The following ZNF782 variants were observed in gnomAD, a reference collection of about 807,000 sequenced individuals.
The protein encoded by ZNF782 is zinc finger protein 782.
ZNF782 carries 12 observed loss-of-function variants against 13.0 expected under a neutral mutation model. The ratio of observed to expected loss-of-function variants is 0.92; its 90% CI spans 0.59 to 1.50. The LOEUF is 1.50. Among genes scored for constraint, ZNF782 ranks in the 40% most tolerant of loss-of-function variants. The probability of loss-of-function intolerance (pLI) is 0.00; values close to 1 mark genes in which losing one functional copy is unlikely to be tolerated. For missense variants in ZNF782, 770 were observed against 822.9 expected (o/e 0.94, Z 0.79); for synonymous variants, 284 against 283.0 (o/e 1.00, Z -0.04).
At chr9:96,912,401 C>A in the ZNF782 span, among the ~76,000 whole-genome samples, 1 of 148,852 alleles carries the variant, frequency 6.7e-6, no homozygotes, top group Non-Finnish European at 1.5e-5. Flanking sequence ...TGGCGGGCGC[C>A]TGTAATCCCA....
chr9:96,910,608 C>G, the ZNF782 span, among the ~76,000 whole-genome samples: 79 of 146,768 alleles, frequency 5.4e-4, no homozygotes, highest in South Asian at 1.3e-3. Flanking sequence ...GAGGAAAAAA[C>G]AACCAAAACT....
chr9:96,925,254 A>T, the ZNF782 span, among the ~76,000 whole-genome samples: 1 of 151,534 alleles, frequency 6.6e-6, no homozygotes, highest in Non-Finnish European at 1.5e-5. Context: ...CCCGCAGGAG[A>T]TGGGGAAATG....
At position 96,873,869 on chromosome 9, in the gene ZNF782, T is replaced by C. The variant is rs143349632; in HGVS notation, c.-457+1599A>G. On this transcript the variant is annotated intron_variant, in intron 1 of 5. Transcript: ENST00000498811. ...GTGGGCAGGTTCTCTGACAAATGTT[T>C]GGGGTATGGAAACTAAGTTTCTAGT... is the stretch of plus-strand genomic sequence containing the variant. Among the ~76,000 whole-genome samples, 15 of 152,310 alleles carry C rather than the reference T, an allele frequency of 9.8e-5. No homozygotes were observed. In the East Asian group the frequency reaches 2.9e-3, roughly 29 times the overall value.
intron 4 of ZNF782, among the ~76,000 whole-genome samples, chr9:96,842,213 T>C (rs1386136024): frequency 6.6e-6 from 1 of 151,990 alleles, no homozygotes; most frequent in East Asian, 1.9e-4. Flanking sequence ...TGGAGAAATA[T>C]ATTGTGTTTA....
At chr9:96,917,276 C>T in the ZNF782 span, among the ~76,000 whole-genome samples, 2 of 141,254 alleles carry the variant, frequency 1.4e-5, no homozygotes, top group African/African-American at 5.3e-5. Flanking sequence ...CTCATTCATT[C>T]GCATCTAGAA....
chr9:96,834,454 T>C (rs911703314), intron 4 of ZNF782, among the ~76,000 whole-genome samples: 1 of 152,236 alleles, frequency 6.6e-6, no homozygotes, highest in Non-Finnish European at 1.5e-5. Context: ...AGCATAAGAA[T>C]GGACTAATAC....
chr9:96,878,784 T>C (rs1851926515), upstream of ZNF782, among the ~76,000 whole-genome samples: 2 of 152,238 alleles, frequency 1.3e-5, no homozygotes, highest in Admixed American at 6.5e-5. Flanking sequence ...TGAGATTATT[T>C]CTTTGCACAA....
intron 5 of ZNF782, among the ~76,000 whole-genome samples, chr9:96,821,608 C>T (rs960777178): frequency 2.6e-5 from 4 of 151,844 alleles, no homozygotes; most frequent in African/African-American, 7.3e-5. Context: ...TTAAAACTTA[C>T]GGCACGTGCA....
chr9:96,875,252 T>G (rs965106802), intron 1 of ZNF782, among the ~76,000 whole-genome samples: 2 of 152,184 alleles, frequency 1.3e-5, no homozygotes, highest in Non-Finnish European at 2.9e-5. Flanking sequence ...ACTTGTGAGG[T>G]TTAGGTGAGT....
At chr9:96,854,665 G>A (rs1354808232), upstream of ZNF782, among the ~76,000 whole-genome samples, 2 of 152,216 alleles carry the variant, frequency 1.3e-5, no homozygotes, top group Non-Finnish European at 2.9e-5. Context: ...GGCGGGGATG[G>A]AGTTTTTATG....
At chr9:96,864,130 T>A (rs971926322) in intron 1 of ZNF782, among the ~76,000 whole-genome samples, 3 of 148,434 alleles carry the variant, frequency 2.0e-5, no homozygotes, top group South Asian at 2.1e-4. Flanking sequence ...ATATATATAT[T>A]TTATATATAT....
chr9:96,913,961 G>A, the ZNF782 span, among the ~76,000 whole-genome samples: 2 of 146,350 alleles, frequency 1.4e-5, no homozygotes, highest in Admixed American at 6.8e-5. Context: ...GCAACACAGC[G>A]AGACCTTGTC....
upstream of ZNF782, among the ~76,000 whole-genome samples, chr9:96,854,970 TTGAA>T (rs1851620405): frequency 6.6e-6 from 1 of 152,178 alleles, no homozygotes; most frequent in Non-Finnish European, 1.5e-5. Flanking sequence ...TGATATAACT[TTGAA>T]TTTACTTTAC....
the ZNF782 span, among the ~76,000 whole-genome samples, chr9:96,922,808 TA>T: frequency 6.6e-6 from 1 of 151,656 alleles, no homozygotes; most frequent in Non-Finnish European, 1.5e-5. Flanking sequence ...GGGGGAAGTG[TA>T]AACCACACTA....
the ZNF782 span, among the ~76,000 whole-genome samples, chr9:96,930,872 GTTTTTTTTTTTTT>G: frequency 9.6e-5 from 7 of 72,722 alleles, no homozygotes; most frequent in South Asian, 5.6e-4. Context: ...CCATCCAGTG[GTTTTTTTTTTTTT>G]TTTTTTTTTT....
the ZNF782 span, among the ~76,000 whole-genome samples, chr9:96,924,788 A>T: frequency 1.3e-5 from 2 of 152,266 alleles, no homozygotes; most frequent in Non-Finnish European, 2.9e-5. Flanking sequence ...GAATGTGAGC[A>T]GCACGGCCGA....
chr9:96,901,869 CAAAAAAA>C, the ZNF782 span, among the ~76,000 whole-genome samples: 6 of 59,600 alleles, frequency 1.0e-4, no homozygotes, highest in Admixed American at 6.1e-4. Flanking sequence ...AACTCTGTCT[CAAAAAAA>C]AAAAAAAAAA....
the ZNF782 span, among the ~76,000 whole-genome samples, chr9:96,881,008 G>A: frequency 3.9e-5 from 6 of 152,080 alleles, no homozygotes; most frequent in South Asian, 2.1e-4. Flanking sequence ...AGTCTTCTTC[G>A]TGTTTTTCAA....
chr9:96,898,003 T>C, the ZNF782 span: 2 of 150,772 alleles, frequency 1.3e-5, no homozygotes, highest in Admixed American at 1.3e-4. Flanking sequence ...AAAGACCAGT[T>C]GCCTCCACAA....
Sources: allele counts gnomAD v4.1 joint callset (sites outside exome capture counted in the v4.1 genomes callset), GRCh38; gene constraint gnomAD v4.1.1; transcripts MANE v1.5; gene names NCBI Gene and HGNC (gene_info 2026-07-23, HGNC 2026-07-21).